DCAF6: variants seen among roughly 807,000 people sequenced by gnomAD.
DCAF6 encodes the protein DDB1 and CUL4 associated factor 6.
Under a neutral mutation model 125.1 loss-of-function variants are expected in DCAF6, and 54 were observed. The ratio of observed to expected loss-of-function variants is 0.43; its 90% CI spans 0.35 to 0.54. DCAF6 has a LOEUF of 0.54. DCAF6 is among the 20% of genes least tolerant of loss of function. The probability of loss-of-function intolerance (pLI) is 0.01; values close to 1 mark genes in which losing one functional copy is unlikely to be tolerated. For missense variants in DCAF6, 934 were observed against 1,161.7 expected (o/e 0.80, Z 2.85); for synonymous variants, 371 against 390.4 (o/e 0.95, Z 0.58).
intron 12 of DCAF6, among the ~76,000 whole-genome samples, chr1:168,033,580 G>A (rs552374516): frequency 6.6e-6 from 1 of 151,972 alleles, no homozygotes; most frequent in Admixed American, 6.5e-5. Flanking sequence ...GCCTCCCAAA[G>A]TGCTGGGATT....
intron 16 of DCAF6, among the ~76,000 whole-genome samples, chr1:168,050,082 C>T (rs1425937186): frequency 6.7e-6 from 1 of 148,328 alleles, no homozygotes; most frequent in Non-Finnish European, 1.5e-5. Flanking sequence ...AAAAAACAAG[C>T]ATCTAAGAAA....
At chr1:167,989,207 T>C (rs1680469196) in intron 5 of DCAF6, among the ~76,000 whole-genome samples, 1 of 152,208 alleles carries the variant, frequency 6.6e-6, no homozygotes, top group Admixed American at 6.5e-5. Context: ...TAAGCTTAAA[T>C]ATCACGTTAT....
intron 17 of DCAF6, chr1:168,056,226 A>G (rs1334048823): frequency 8.7e-6 from 14 of 1,612,400 alleles, no homozygotes; most frequent in Middle Eastern, 1.8e-4. Context: ...CACTGTTCCA[A>G]TGCCATTTTC....
the DCAF6 span, chr1:167,893,820 C>A: frequency 1.2e-5 from 18 of 1,481,730 alleles, no homozygotes; most frequent in Non-Finnish European, 1.7e-5. Flanking sequence ...TCCCTGACAT[C>A]CCCAAAGCCA....
At chr1:167,967,497 AAAGT>A (rs1370054005) in intron 3 of DCAF6, among the ~76,000 whole-genome samples, 1 of 152,172 alleles carries the variant, frequency 6.6e-6, no homozygotes, top group East Asian at 1.9e-4. Context: ...TAATAAAAAG[AAAGT>A]GTGTGATGTT....
intron 12 of DCAF6, among the ~76,000 whole-genome samples, chr1:168,025,956 G>A (rs564610446): frequency 6.6e-6 from 1 of 152,214 alleles, no homozygotes; most frequent in Non-Finnish European, 1.5e-5. Flanking sequence ...TTGCCAAATA[G>A]ACTTACTTTC....
At chr1:167,892,662 G>C in the DCAF6 span, among the ~76,000 whole-genome samples, 2 of 152,148 alleles carry the variant, frequency 1.3e-5, no homozygotes, top group African/African-American at 4.8e-5. Context: ...GGCACTAGGG[G>C]TAATGTTTTT....
chr1:168,056,046 G>A (rs1690703503), intron 17 of DCAF6: 8 of 1,593,102 alleles, frequency 5.0e-6, no homozygotes, highest in Non-Finnish European at 6.9e-6. Flanking sequence ...TTCTGCAAGA[G>A]CTTCATTAAT....
the DCAF6 span, chr1:167,899,466 C>A: frequency 6.2e-7 from 1 of 1,614,108 alleles, no homozygotes; most frequent in Non-Finnish European, 8.5e-7. Context: ...TTCAATCATG[C>A]TCCGGTCACA....
the DCAF6 span, among the ~76,000 whole-genome samples, chr1:167,877,671 T>C: frequency 6.6e-6 from 1 of 152,004 alleles, no homozygotes; most frequent in East Asian, 1.9e-4. Flanking sequence ...AGTGTTCTAA[T>C]AGAAGCATAT....
At chr1:167,986,243 G>T (rs1438471590) in intron 4 of DCAF6, among the ~76,000 whole-genome samples, 1 of 152,168 alleles carries the variant, frequency 6.6e-6, no homozygotes, top group Non-Finnish European at 1.5e-5. Context: ...GGTTATAGGA[G>T]AAGCATATGA....
the DCAF6 span, among the ~76,000 whole-genome samples, chr1:167,914,652 ATC>A: frequency 4.4e-3 from 663 of 152,320 alleles, 6 homozygotes; most frequent in African/African-American, 0.015. Flanking sequence ...AGTTTTCTTT[ATC>A]TGATGTGACA....
At chr1:167,944,059 G>A (rs1330599682) in intron 1 of DCAF6, among the ~76,000 whole-genome samples, 2 of 152,098 alleles carry the variant, frequency 1.3e-5, no homozygotes, top group Non-Finnish European at 2.9e-5. Flanking sequence ...AGCCAGGATG[G>A]CCTCGATCCC....
chr1:167,924,354 G>T, the DCAF6 span: 2 of 621,716 alleles, frequency 3.2e-6, no homozygotes, highest in African/African-American at 1.9e-5. Context: ...AAAACGATAT[G>T]TCTGAGAATA....
At position 168,051,254 on chromosome 1, in the gene DCAF6, A is replaced by G. The variant is rs183822311; in HGVS notation, c.2300+321A>G. 9.2e-5 allele frequency among the ~76,000 whole-genome samples: 14 copies of G among 152,250 alleles called. No homozygotes were observed. In the East Asian group the frequency reaches 2.7e-3, roughly 29 times the overall value. ...TTTTGGATATTTTGTTGAAGAATGC[A>G]ATTTATGTTTTTTAAATTTGATTGG... On this transcript the variant is annotated intron_variant, in intron 17 of 21. Coordinates refer to ENST00000367840, the MANE Select transcript of DCAF6 (RefSeq NM_001198956.2).
the DCAF6 span, among the ~76,000 whole-genome samples, chr1:167,889,569 C>A: frequency 6.6e-6 from 1 of 152,176 alleles, no homozygotes; most frequent in East Asian, 1.9e-4. Flanking sequence ...GTTTTGGTAT[C>A]AGGGTAATAC....
At chr1:167,992,700 G>A (rs1053079498) in intron 6 of DCAF6, among the ~76,000 whole-genome samples, 1 of 152,126 alleles carries the variant, frequency 6.6e-6, no homozygotes, top group South Asian at 2.1e-4. Context: ...CTGTCATATT[G>A]CATTGAAGAC....
intron 19 of DCAF6, 22 bp downstream of exon 19, chr1:168,065,768 G>A (rs778847087): frequency 5.6e-6 from 9 of 1,600,510 alleles, no homozygotes; most frequent in Admixed American, 3.4e-5. Context: ...TTTCTAGGAC[G>A]AGGGCTAGAA....
chr1:167,961,846 G>A (rs895251709), intron 2 of DCAF6, among the ~76,000 whole-genome samples: 3 of 152,182 alleles, frequency 2.0e-5, no homozygotes, highest in Non-Finnish European at 1.5e-5. Flanking sequence ...TTTCAGAAAT[G>A]CTGTAAAATT....
Sources: gnomAD v4.1 joint callset for allele counts (sites outside exome capture counted in the v4.1 genomes callset) on GRCh38, gnomAD v4.1.1 for gene constraint, MANE v1.5 for transcripts, NCBI Gene and HGNC (gene_info 2026-07-23, HGNC 2026-07-21) for gene names.